Variants in ZFHX3 observed in about 807,000 individuals in gnomAD.
ZFHX3 encodes the protein zinc finger homeobox 3.
ZFHX3 carries 42 observed loss-of-function variants against 279.1 expected under a neutral mutation model. The observed-to-expected ratio is 0.15, with a 90% CI of 0.12 to 0.19. The LOEUF (loss-of-function observed/expected upper bound fraction) is 0.19. ZFHX3 is among the 10% of genes least tolerant of loss of function. ZFHX3 has a pLI of 1.00. For missense variants in ZFHX3, 4,981 were observed against 4,754.0 expected (o/e 1.05, Z -1.40); for synonymous variants, 2,293 against 1,957.8 (o/e 1.17, Z -4.52).
chr16:73,016,651 T>C (rs990708034), intron 1 of ZFHX3, among the ~76,000 whole-genome samples: 2 of 152,316 alleles, frequency 1.3e-5, no homozygotes, highest in East Asian at 3.9e-4. Context: ...ATGACTAATT[T>C]ATGGCCTTTG....
chr16:73,009,208 G>C (rs546821097), intron 1 of ZFHX3, among the ~76,000 whole-genome samples: 106 of 152,016 alleles, frequency 7.0e-4, no homozygotes, highest in African/African-American at 2.4e-3. Context: ...ACTTTGTAGT[G>C]CCAAGTTAAA....
chr16:73,877,713 C>G (rs1445927293), intron 1 of ZFHX3, among the ~76,000 whole-genome samples: 1 of 152,026 alleles, frequency 6.6e-6, no homozygotes, highest in Non-Finnish European at 1.5e-5. Context: ...AGATTATATT[C>G]AGTGGAAAGA....
chr16:73,185,429 AAG>A (rs1236306630), intron 5 of ZFHX3, among the ~76,000 whole-genome samples: 4 of 152,174 alleles, frequency 2.6e-5, no homozygotes, highest in Non-Finnish European at 5.9e-5. Flanking sequence ...GGCGGAACCC[AAG>A]TCTAACTGAG....
intron 5 of ZFHX3, among the ~76,000 whole-genome samples, chr16:73,256,431 A>G (rs780753606): frequency 6.6e-6 from 1 of 152,200 alleles, no homozygotes; most frequent in Non-Finnish European, 1.5e-5. Flanking sequence ...GATGTTTTCA[A>G]TGTTTACGAT....
intron 2 of ZFHX3, among the ~76,000 whole-genome samples, chr16:73,476,774 GT>G (rs1370722075): frequency 6.6e-6 from 1 of 152,142 alleles, no homozygotes; most frequent in Non-Finnish European, 1.5e-5. Context: ...CATTTTCAAT[GT>G]TAAACTAACA....
At chr16:73,791,674 C>T (rs773824286) in intron 1 of ZFHX3, among the ~76,000 whole-genome samples, 7 of 152,126 alleles carry the variant, frequency 4.6e-5, no homozygotes, top group African/African-American at 1.4e-4. Flanking sequence ...CCGTCCACCT[C>T]GGCCTCCCAA....
At chr16:73,059,518 T>C (rs1338139615) in exon 1 of ZFHX3, 2 of 91,456 alleles carry the variant, frequency 2.2e-5, no homozygotes, top group Non-Finnish European at 4.2e-5. Context: ...CTTATTATTT[T>C]CCCCTTTCTC....
chr16:73,706,199 A>T (rs2053301166), intron 1 of ZFHX3, among the ~76,000 whole-genome samples: 1 of 152,128 alleles, frequency 6.6e-6, no homozygotes, highest in African/African-American at 2.4e-5. Flanking sequence ...GGATGCTCAC[A>T]TCTGTAATCC....
chr16:73,143,722 T>C (rs1424163359), intron 6 of ZFHX3: 1 of 1,301,616 alleles, frequency 7.7e-7, no homozygotes, highest in East Asian at 5.6e-5. Flanking sequence ...ACATTTTCTT[T>C]CATTGAGAAA....
At chr16:73,599,549 G>C (rs2052089087) in intron 2 of ZFHX3, among the ~76,000 whole-genome samples, 1 of 152,150 alleles carries the variant, frequency 6.6e-6, no homozygotes, top group Non-Finnish European at 1.5e-5. Context: ...CCTGTCTCCA[G>C]TTGAAAACCA....
intron 2 of ZFHX3, among the ~76,000 whole-genome samples, chr16:73,605,597 GAA>G (rs1033801058): frequency 4.7e-5 from 7 of 150,104 alleles, no homozygotes; most frequent in African/African-American, 1.7e-4. Flanking sequence ...AAACACTAAG[GAA>G]AAAGCAAGCG....
chr16:73,688,908 G>A (rs574363952), intron 1 of ZFHX3, among the ~76,000 whole-genome samples: 20 of 152,150 alleles, frequency 1.3e-4, no homozygotes, highest in Non-Finnish European at 1.0e-4. Context: ...CGCCAAGTGA[G>A]ATGTGCCTTT....
intron 1 of ZFHX3, among the ~76,000 whole-genome samples, chr16:73,818,736 C>T (rs988942526): frequency 1.2e-4 from 18 of 152,208 alleles, no homozygotes; most frequent in African/African-American, 4.3e-4. Flanking sequence ...GGCTCTGCTG[C>T]GCTTTCTCAA....
chr16:73,763,257 C>A (rs527349974), intron 1 of ZFHX3, among the ~76,000 whole-genome samples: 1 of 152,294 alleles, frequency 6.6e-6, no homozygotes, highest in South Asian at 2.1e-4. Context: ...AGGCTGACAT[C>A]AAGTCTTACC....
At chr16:72,960,705 A>G (rs1289876673) in intron 1 of ZFHX3, among the ~76,000 whole-genome samples, 5 of 152,274 alleles carry the variant, frequency 3.3e-5, no homozygotes, top group Non-Finnish European at 5.9e-5. Flanking sequence ...AGGACGGTAA[A>G]GTGGGATAAC....
chr16:73,534,989 G>T (rs2019870862), intron 2 of ZFHX3, among the ~76,000 whole-genome samples: 1 of 151,942 alleles, frequency 6.6e-6, no homozygotes, highest in South Asian at 2.1e-4. Context: ...ACCTAGAGGG[G>T]ATTTGATTAA....
At chr16:73,314,247 G>A (rs910438120) in intron 4 of ZFHX3, among the ~76,000 whole-genome samples, 5 of 152,154 alleles carry the variant, frequency 3.3e-5, no homozygotes, top group East Asian at 1.9e-4. Context: ...TTTGGACTTC[G>A]TCTGCACTAT....
chr16:73,766,288 T>C (rs2142287585), intron 1 of ZFHX3, among the ~76,000 whole-genome samples: 1 of 152,326 alleles, frequency 6.6e-6, no homozygotes, highest in Admixed American at 6.5e-5. Flanking sequence ...TGACTCCTTG[T>C]ATCACAATTT....
intron 8 of ZFHX3, among the ~76,000 whole-genome samples, chr16:73,066,300 C>T (rs763243787): frequency 6.6e-6 from 1 of 152,168 alleles, no homozygotes; most frequent in African/African-American, 2.4e-5. Context: ...GGCCCCTTCC[C>T]TCCCCGCCTC....
Sources: allele counts gnomAD v4.1 joint callset (sites outside exome capture counted in the v4.1 genomes callset), GRCh38; gene constraint gnomAD v4.1.1; transcripts MANE v1.5; gene names NCBI Gene and HGNC (gene_info 2026-07-23, HGNC 2026-07-21).